SLC25A20: variants seen among roughly 807,000 people sequenced by gnomAD.
The protein encoded by SLC25A20 is mitochondrial carnitine/acylcarnitine carrier protein.
A neutral mutation model predicts 39.7 loss-of-function variants in SLC25A20; 29 were observed. The ratio of observed to expected loss-of-function variants is 0.73; its 90% CI spans 0.54 to 1.00. The LOEUF (loss-of-function observed/expected upper bound fraction) is 1.00. Ranked by LOEUF, SLC25A20 falls within the 50% of genes least tolerant of loss-of-function variation. The pLI is 0.00. For missense variants in SLC25A20, 333 were observed against 379.9 expected, an observed-to-expected ratio of 0.88 and a Z score of 1.03; for synonymous variants, 103 against 142.2, an observed-to-expected ratio of 0.72 and a Z score of 1.96.
rs2083589974 is a variant in SLC25A20, at chr3:48,857,653, C to G, written c.*57G>C. 4 of 1,530,026 alleles carry G rather than the reference C, an allele frequency of 2.6e-6. No homozygotes were observed. The highest frequency in any genetic ancestry group is 3.6e-6 in the Non-Finnish European group (4 of 1,107,114). The allele number at this position is 1,530,026 out of a possible 1,614,324, so 94.8% of individuals were successfully genotyped here. A position where few individuals can be genotyped will look rare whatever the true frequency, so the allele number is the denominator to read the frequency against. On this transcript the variant is annotated 3_prime_UTR_variant, in exon 9 of 9. Transcript: ENST00000319017. ...AGACTGCTTAGTTCTGCTTACTACT[C>G]CTTCTCCTCAACGACAGCTTCCAGC...
rs375593797 is a variant in SLC25A20 at position 48,894,183 on chromosome 3, T to TTCTCTCTC, written c.106-2119_106-2112dup. ...CAAAAAAAAAAAAAAAAGAAGAAGA[T>TTCTCTCTC]TCTCTCTCTCTCTCTCTCTCTCTCT... On this transcript the variant is annotated intron_variant, in intron 1 of 8. Coordinates refer to ENST00000319017, the MANE Select transcript of SLC25A20 (RefSeq NM_000387.6). 0.041 allele frequency among the ~76,000 whole-genome samples: 4,466 copies of TTCTCTCTC among 110,220 alleles called. 416 individuals are homozygous for TTCTCTCTC. The East Asian group carries it at 0.42, about 10-fold the overall frequency. The allele number at this position is 110,220 out of a possible 152,430, so 72.3% of individuals were successfully genotyped here.
chr3:48,877,346 G>A (rs1223672428), intron 4 of SLC25A20, among the ~76,000 whole-genome samples: 1 of 151,754 alleles, frequency 6.6e-6, no homozygotes, highest in Non-Finnish European at 1.5e-5. Flanking sequence ...CCCAAGAGGC[G>A]GAGGTTGCGG....
rs547635610 is a variant in SLC25A20, at chr3:48,863,335, G to T, written c.418-676C>A. ...CCCCTGAAGACCAACTGCATTCCAA[G>T]CCTACCTGGTCATGAGAGTTGGTTA... On this transcript the variant is annotated intron_variant, in intron 4 of 8. Coordinates refer to ENST00000319017, the MANE Select transcript of SLC25A20 (RefSeq NM_000387.6). Among the ~76,000 whole-genome samples the T allele has an allele frequency of 8.5e-5, 13 of 152,266 alleles. No individual in the cohort carries two copies. In the Middle Eastern group the frequency reaches 0.017, roughly 199 times the overall value.
rs141742666 is a variant in SLC25A20, at chr3:48,858,507, C to T, written c.843G>A (p.Ala281=). The change falls in exon 8 of 9, where the codon GCG becomes GCA. Residue 281 remains alanine, a splice_region_variant and synonymous_variant. Coordinates refer to ENST00000319017, the MANE Select transcript of SLC25A20 (RefSeq NM_000387.6). ...AVMIRAFPAN[A]ACFLGFEVAM... ...AAGCACAGCCCTGCCAGCTACTCACCGCATTGGCTGGGAAGGCTCGGATCA... is the reference window on the plus strand; with the variant it reads ...AAGCACAGCCCTGCCAGCTACTCACTGCATTGGCTGGGAAGGCTCGGATCA... The T allele has an allele frequency of 6.8e-6, 11 of 1,614,192 alleles. No individual in the cohort carries two copies. Among genetic ancestry groups the T allele is most frequent in the South Asian group, 3.3e-5 (3 of 91,088 alleles).
chr3:48,877,436 A>T (rs900432121), intron 4 of SLC25A20, among the ~76,000 whole-genome samples: 1 of 151,252 alleles, frequency 6.6e-6, no homozygotes, highest in Non-Finnish European at 1.5e-5. Context: ...AATACAGGAA[A>T]AAAAGAAAAG....
At chr3:48,886,760 C>T (rs2083832176) in intron 2 of SLC25A20, among the ~76,000 whole-genome samples, 1 of 152,082 alleles carries the variant, frequency 6.6e-6, no homozygotes, top group South Asian at 2.1e-4. Flanking sequence ...ACGGGAGGAT[C>T]ACTTGAGCCC....
At chr3:48,885,971 T>C (rs891435876) in intron 2 of SLC25A20, among the ~76,000 whole-genome samples, 1 of 152,014 alleles carries the variant, frequency 6.6e-6, no homozygotes, top group Non-Finnish European at 1.5e-5. Flanking sequence ...AAACAAAAGA[T>C]TTAACACAAT....
At chr3:48,884,776 G>T (rs1559670534) in intron 2 of SLC25A20, among the ~76,000 whole-genome samples, 1 of 151,314 alleles carries the variant, frequency 6.6e-6, no homozygotes, top group Non-Finnish European at 1.5e-5. Context: ...CACTTATAAG[G>T]TACCAAAATT....
In SLC25A20 at chr3:48,882,268, C is replaced by A. The variant is rs1269951498; in HGVS notation, c.326+1729G>T. ...TCAGGTGACTCTTCATACCCAAATC[C>A]AACTTCTTAAAGTTTATTAAAGGAA... On this transcript the variant is annotated intron_variant, in intron 3 of 8. Coordinates refer to ENST00000319017, the MANE Select transcript of SLC25A20 (RefSeq NM_000387.6). 3.3e-5 allele frequency among the ~76,000 whole-genome samples: 5 copies of A among 152,328 alleles called. No homozygotes were observed. The East Asian group carries it at 9.6e-4, about 29-fold the overall frequency.
At chr3:48,898,063 C>T (rs2083922418) in intron 1 of SLC25A20, among the ~76,000 whole-genome samples, 4 of 152,192 alleles carry the variant, frequency 2.6e-5, no homozygotes, top group Admixed American at 2.6e-4. Flanking sequence ...GAGAATGAGG[C>T]TGGCCTTGTG....
intron 4 of SLC25A20, among the ~76,000 whole-genome samples, chr3:48,868,184 C>T (rs2083687001): frequency 1.3e-5 from 2 of 151,492 alleles, no homozygotes; most frequent in Non-Finnish European, 2.9e-5. Context: ...AGTCAGAAAC[C>T]AGCTCATCCA....
intron 4 of SLC25A20, among the ~76,000 whole-genome samples, chr3:48,877,227 C>A (rs2083765337): frequency 6.6e-6 from 1 of 151,446 alleles, no homozygotes; most frequent in East Asian, 1.9e-4. Flanking sequence ...CCAGCCTGAC[C>A]AATATGGAGA....
intron 4 of SLC25A20, 77 bp from the exon 5 acceptor site, chr3:48,862,736 A>G: frequency 1.1e-6 from 1 of 889,182 alleles, no homozygotes; most frequent in East Asian, 2.4e-5. Flanking sequence ...ACTACAAAGT[A>G]AGTATGGCCA....
chr3:48,875,196 C>CG (rs1479253088), intron 4 of SLC25A20, among the ~76,000 whole-genome samples: 3 of 151,940 alleles, frequency 2.0e-5, no homozygotes, highest in Non-Finnish European at 4.4e-5. Flanking sequence ...CTTCACCTCC[C>CG]GGGTTCAAGC....
Position 48,888,209 on chromosome 3 carries a change from A to G in SLC25A20, c.198+3771T>C, listed in dbSNP as rs1167118497. On this transcript the variant is annotated intron_variant, in intron 2 of 8. Coordinates refer to ENST00000319017, the MANE Select transcript of SLC25A20 (RefSeq NM_000387.6). ...GTGGCAGAACAAGACTCCATCTCGA[A>G]AAAAAAAAAAAAAAAAAAAAGAAGG... Among the ~76,000 whole-genome samples the G allele has an allele frequency of 4.8e-5, 7 of 145,570 alleles. No homozygotes were observed. In the East Asian group the frequency reaches 1.4e-3, roughly 29 times the overall value.
At chr3:48,871,920 T>C (rs1270505210) in intron 4 of SLC25A20, among the ~76,000 whole-genome samples, 1 of 148,958 alleles carries the variant, frequency 6.7e-6, no homozygotes, top group Non-Finnish European at 1.5e-5. Context: ...CCTGGGCTGA[T>C]CCTCACACCT....
At chr3:48,878,917 AG>A (rs1274198342) in intron 4 of SLC25A20, among the ~76,000 whole-genome samples, 9 of 151,712 alleles carry the variant, frequency 5.9e-5, no homozygotes, top group Non-Finnish European at 8.8e-5. Flanking sequence ...TCTCATGCCC[AG>A]GCTGCAGTGC....
chr3:48,896,107 T>G (rs2083908064), intron 1 of SLC25A20, among the ~76,000 whole-genome samples: 1 of 144,584 alleles, frequency 6.9e-6, no homozygotes, highest in Non-Finnish European at 1.5e-5. Context: ...GCCACTGTAC[T>G]CCAGCCTGGG....
At chr3:48,886,295 C>T (rs945656752) in intron 2 of SLC25A20, among the ~76,000 whole-genome samples, 10 of 152,050 alleles carry the variant, frequency 6.6e-5, no homozygotes, top group African/African-American at 1.4e-4. Flanking sequence ...GAGGCCAAGG[C>T]GGGCGGATCA....
Sources: allele counts gnomAD v4.1 joint callset (sites outside exome capture counted in the v4.1 genomes callset), GRCh38; gene constraint gnomAD v4.1.1; transcripts MANE v1.5; gene names NCBI Gene and HGNC (gene_info 2026-07-23, HGNC 2026-07-21).